Variants in FLT1 observed in about 807,000 individuals in gnomAD.
FLT1 encodes the protein fms related receptor tyrosine kinase 1.
Under a neutral mutation model 156.3 loss-of-function variants are expected in FLT1, and 49 were observed. The observed-to-expected ratio is 0.31, with a 90% CI of 0.25 to 0.40. The LOEUF (loss-of-function observed/expected upper bound fraction) is 0.40. FLT1 is among the 10% of genes least tolerant of loss of function. The pLI is 1.00. For missense variants in FLT1, 1,322 were observed against 1,637.2 expected (o/e 0.81, Z 3.32); for synonymous variants, 594 against 583.8 (o/e 1.02, Z -0.25).
intron 1 of FLT1, among the ~76,000 whole-genome samples, chr13:28,490,751 T>C (rs933201391): frequency 2.6e-5 from 4 of 152,198 alleles, no homozygotes; most frequent in African/African-American, 9.7e-5. Context: ...CACAGTAATA[T>C]ATTTTTACTT....
chr13:28,363,728 C>T (rs560453998), intron 14 of FLT1, among the ~76,000 whole-genome samples: 1 of 152,004 alleles, frequency 6.6e-6, no homozygotes. Flanking sequence ...ATTCTCCTCT[C>T]TCAGCCTCCC....
chr13:28,418,966 C>T (rs1876824317), intron 10 of FLT1, among the ~76,000 whole-genome samples: 1 of 152,142 alleles, frequency 6.6e-6, no homozygotes, highest in African/African-American at 2.4e-5. Context: ...AATCACCATT[C>T]CGTAAAACTG....
chr13:28,307,130 A>G (rs1371097315), intron 28 of FLT1, among the ~76,000 whole-genome samples: 3 of 152,254 alleles, frequency 2.0e-5, no homozygotes, highest in Non-Finnish European at 2.9e-5. Flanking sequence ...TGAGTATGCT[A>G]TGGTAGTGGT....
chr13:28,329,307 T>C (rs1441017474), intron 19 of FLT1, among the ~76,000 whole-genome samples: 2 of 152,192 alleles, frequency 1.3e-5, no homozygotes, highest in African/African-American at 4.8e-5. Flanking sequence ...TTCTACCTTT[T>C]ACCTTGGCTC....
At chr13:28,465,536 T>A (rs767047442) in intron 3 of FLT1, among the ~76,000 whole-genome samples, 6 of 151,546 alleles carry the variant, frequency 4.0e-5, no homozygotes, top group South Asian at 2.1e-4. Context: ...AGTTGCCTTA[T>A]TTCACAAATT....
chr13:28,433,968 G>C lies in FLT1; in HGVS notation c.677-13C>G. 6.2e-7 allele frequency: 1 copy of C among 1,614,106 alleles called. No individual in the cohort carries two copies. The highest frequency in any genetic ancestry group is 8.5e-7 in the Non-Finnish European group (1 of 1,179,976). Reference sequence around the variant, plus strand: ...ATGATTGTATTGGCTGCAAGCATAAGAGAGAAATTTTTTAAAATTAAGATT... The same window carrying C: ...ATGATTGTATTGGCTGCAAGCATAACAGAGAAATTTTTTAAAATTAAGATT... On this transcript the variant is annotated splice_polypyrimidine_tract_variant and intron_variant, in intron 5 of 29. Transcript: ENST00000282397.
chr13:28,411,546 CAAAAAAA>C (rs71086852), intron 10 of FLT1, among the ~76,000 whole-genome samples: 1 of 84,740 alleles, frequency 1.2e-5, no homozygotes, highest in Non-Finnish European at 2.3e-5. Context: ...AACTCCATCT[CAAAAAAA>C]AAAAAAAAAA....
chr13:28,342,377 C>T (rs942488314), intron 16 of FLT1, among the ~76,000 whole-genome samples: 1 of 152,120 alleles, frequency 6.6e-6, no homozygotes, highest in Non-Finnish European at 1.5e-5. Context: ...CTCCTATAGC[C>T]TTTGTACCTC....
At chr13:28,318,624 G>GA (rs1446436171) in intron 24 of FLT1, among the ~76,000 whole-genome samples, 1 of 152,196 alleles carries the variant, frequency 6.6e-6, no homozygotes, top group Non-Finnish European at 1.5e-5. Context: ...TCAAAGACTG[G>GA]AAGCAACAGG....
chr13:28,454,829 G>GT (rs1879171080), intron 3 of FLT1, among the ~76,000 whole-genome samples: 1 of 152,144 alleles, frequency 6.6e-6, no homozygotes, highest in Admixed American at 6.5e-5. Context: ...AAATTCAAAA[G>GT]TCAGTTGCTT....
At chr13:28,334,406 C>G (rs948248501) in intron 17 of FLT1, among the ~76,000 whole-genome samples, 2 of 152,156 alleles carry the variant, frequency 1.3e-5, no homozygotes, top group African/African-American at 4.8e-5. Context: ...ACAGCGTTCT[C>G]CCGTAGGAGA....
At chr13:28,408,732 C>A (rs1875963293) in intron 10 of FLT1, among the ~76,000 whole-genome samples, 2 of 152,144 alleles carry the variant, frequency 1.3e-5, no homozygotes, top group African/African-American at 4.8e-5. Context: ...AAGAAAGCTC[C>A]CATGCACTAT....
intron 10 of FLT1, among the ~76,000 whole-genome samples, chr13:28,407,419 G>A (rs1316358730): frequency 6.6e-6 from 1 of 150,922 alleles, no homozygotes; most frequent in African/African-American, 2.4e-5. Context: ...AATTTTTCTA[G>A]CCTGGCCAAA....
At chr13:28,448,605 G>C (rs1878745454) in intron 3 of FLT1, among the ~76,000 whole-genome samples, 1 of 152,126 alleles carries the variant, frequency 6.6e-6, no homozygotes, top group African/African-American at 2.4e-5. Context: ...GGGCTGGGGG[G>C]ATAAGGGGTG....
intron 16 of FLT1, among the ~76,000 whole-genome samples, chr13:28,344,080 G>A (rs1445247393): frequency 6.6e-6 from 1 of 151,240 alleles, no homozygotes; most frequent in Non-Finnish European, 1.5e-5. Context: ...TGTCACACTA[G>A]GTGCCCCACT....
At chr13:28,422,318 TC>T (rs35833427) in intron 10 of FLT1, among the ~76,000 whole-genome samples, 112,774 of 151,672 alleles carry the variant, frequency 0.74, 42,043 homozygotes, top group Non-Finnish European at 0.75. Context: ...TAAGTTTTTT[TC>T]CCATGAGTGG....
At chr13:28,328,070 T>C (rs1414460256) in intron 19 of FLT1, among the ~76,000 whole-genome samples, 3 of 152,176 alleles carry the variant, frequency 2.0e-5, no homozygotes, top group African/African-American at 7.2e-5. Flanking sequence ...CTTGTAAAGG[T>C]CCAGCTAGTA....
chr13:28,423,770 C>T (rs1464196528), intron 10 of FLT1, among the ~76,000 whole-genome samples: 1 of 152,188 alleles, frequency 6.6e-6, no homozygotes, highest in Non-Finnish European at 1.5e-5. Flanking sequence ...CCTTATGATG[C>T]TCTCTGGCTT....
chr13:28,429,981 A>G (rs1229251411), intron 8 of FLT1, 69 bp downstream of exon 8: 5 of 1,026,428 alleles, frequency 4.9e-6, no homozygotes, highest in Non-Finnish European at 7.8e-6. Flanking sequence ...AATTCGAGTC[A>G]TTAGGCTCTT....
Sources: gnomAD v4.1 joint callset for allele counts (sites outside exome capture counted in the v4.1 genomes callset) on GRCh38, gnomAD v4.1.1 for gene constraint, MANE v1.5 for transcripts, NCBI Gene and HGNC (gene_info 2026-07-23, HGNC 2026-07-21) for gene names.